TNNT3: variants seen among roughly 807,000 people sequenced by gnomAD.
The protein encoded by TNNT3 is troponin T3, fast skeletal type.
TNNT3 carries 36 observed loss-of-function variants against 54.2 expected under a neutral mutation model. The ratio of observed to expected loss-of-function variants is 0.66; its 90% CI spans 0.51 to 0.88. TNNT3 has a LOEUF of 0.88. Ranked by LOEUF, TNNT3 falls within the 40% of genes least tolerant of loss-of-function variation. The pLI is 0.00. For synonymous variants in TNNT3, 120 were observed against 109.7 expected (o/e 1.09, Z -0.59); for missense variants, 291 against 331.6 (o/e 0.88, Z 0.95).
At chr11:1,924,435 C>G (rs1015220383) in intron 4 of TNNT3, among the ~76,000 whole-genome samples, 4 of 152,242 alleles carry the variant, frequency 2.6e-5, no homozygotes, top group African/African-American at 9.6e-5. Flanking sequence ...GCAACCTTAG[C>G]AGGCAGGGCT....
At chr11:1,937,910 G>T (rs896338417) in intron 15 of TNNT3, among the ~76,000 whole-genome samples, 2 of 152,192 alleles carry the variant, frequency 1.3e-5, no homozygotes, top group Non-Finnish European at 2.9e-5. Flanking sequence ...TGCCAGCCAG[G>T]TGTCCTGCTG....
At chr11:1,922,918 C>G in intron 2 of TNNT3, 27 bp downstream of exon 2, 1 of 1,613,822 alleles carries the variant, frequency 6.2e-7, no homozygotes, top group South Asian at 1.1e-5. Flanking sequence ...TGGCTGCCCC[C>G]TGCCTGGCTC....
chr11:1,938,272 A>C, intron 15 of TNNT3, 166 bp from the exon 16 acceptor site: 1 of 757,214 alleles, frequency 1.3e-6, no homozygotes, highest in South Asian at 1.5e-5. Context: ...GGCACAGGTG[A>C]GTGGGCACTG....
chr11:1,921,327 C>A (rs904451803), intron 1 of TNNT3: 1 of 152,290 alleles, frequency 6.6e-6, no homozygotes, highest in African/African-American at 2.4e-5. Context: ...CCAGGCTCCG[C>A]TCCCTCCCTT....
chr11:1,937,213 G>T (rs761886287), intron 15 of TNNT3, among the ~76,000 whole-genome samples: 97 of 152,128 alleles, frequency 6.4e-4, no homozygotes, highest in African/African-American at 2.2e-3. Flanking sequence ...GGAGCCCTGG[G>T]GGGTGGCAGA....
chr11:1,932,239 C>T (rs186974120), intron 8 of TNNT3, among the ~76,000 whole-genome samples: 1 of 152,346 alleles, frequency 6.6e-6, no homozygotes, highest in African/African-American at 2.4e-5. Flanking sequence ...CAGACGGTGG[C>T]GCTGGAAGCG....
intron 2 of TNNT3, 74 bp downstream of exon 2, chr11:1,922,965 A>G (rs201518236): frequency 6.2e-5 from 100 of 1,613,330 alleles, no homozygotes; most frequent in Non-Finnish European, 8.1e-5. Flanking sequence ...GGGCTGGAGC[A>G]TGCGCTATCT....
intron 7 of TNNT3, 92 bp downstream of exon 7, chr11:1,929,235 CCTCCTCCTCCCT>C: frequency 7.1e-7 from 1 of 1,408,274 alleles, no homozygotes; most frequent in Non-Finnish European, 1.0e-6. Flanking sequence ...CGCTGCCCTG[CCTCCTCCTCCCT>C]CTGTCCTCTT....
intron 4 of TNNT3, chr11:1,924,812 T>G (rs1851056826): frequency 1.7e-6 from 1 of 590,806 alleles, no homozygotes; most frequent in Non-Finnish European, 3.0e-6. Flanking sequence ...GGCATGGGAA[T>G]ACCAGGCCCC....
chr11:1,924,878 G>A (rs1021515556), intron 4 of TNNT3: 9 of 651,770 alleles, frequency 1.4e-5, no homozygotes, highest in Admixed American at 1.1e-4. Context: ...CAGCCCAGCT[G>A]ACAGTGACCA....
chr11:1,920,332 C>A (rs984129058), intron 1 of TNNT3, among the ~76,000 whole-genome samples: 2 of 152,182 alleles, frequency 1.3e-5, no homozygotes, highest in African/African-American at 4.8e-5. Context: ...GCCCACGCAG[C>A]CTTGGGGGCC....
chr11:1,938,360 G>C, intron 15 of TNNT3, 78 bp from the exon 16 acceptor site: 1 of 1,521,628 alleles, frequency 6.6e-7, no homozygotes, highest in South Asian at 1.1e-5. Context: ...CGGGCTGAGA[G>C]TCCGCCCAGG....
chr11:1,920,460 C>T lies in TNNT3; in HGVS notation c.-19+698C>T, dbSNP rs566138590. Among the ~76,000 whole-genome samples the T allele has an allele frequency of 2.6e-4, 40 of 152,150 alleles. 1 individual carries two copies. The South Asian group carries it at 8.1e-3, about 31-fold the overall frequency. On this transcript the variant is annotated intron_variant, in intron 1 of 15. Coordinates refer to ENST00000278317, the MANE Select transcript of TNNT3 (RefSeq NM_006757.4). Reference sequence around the variant, plus strand: ...GCTGGAGGCTGGAGAAGCTGGCGCTCGTAAGAGCCCCCACCCACCCTCCCT... The same window carrying T: ...GCTGGAGGCTGGAGAAGCTGGCGCTTGTAAGAGCCCCCACCCACCCTCCCT...
rs1298131298 is a variant in TNNT3, at chr11:1,936,948, T to C, written c.682-15T>C. 2 of 1,603,396 alleles carry C rather than the reference T, an allele frequency of 1.2e-6. No homozygotes were observed. Among genetic ancestry groups the C allele is most frequent in the South Asian group, 1.1e-5 (1 of 89,368 alleles). ...CCCTCGGGTCGTCGCAGTGAGTCACTCATGTTGTTCACAGATCACCACGCT... is the reference window on the plus strand; with the variant it reads ...CCCTCGGGTCGTCGCAGTGAGTCACCCATGTTGTTCACAGATCACCACGCT... On this transcript the variant is annotated splice_polypyrimidine_tract_variant and intron_variant, in intron 14 of 15. Transcript: ENST00000278317.
intron 8 of TNNT3, among the ~76,000 whole-genome samples, chr11:1,931,474 G>A (rs896631851): frequency 3.9e-5 from 6 of 152,214 alleles, no homozygotes; most frequent in African/African-American, 1.4e-4. Flanking sequence ...AGCCTCTGAT[G>A]GATGAGAAAC....
At chr11:1,924,059 T>C (rs1218003900) in intron 4 of TNNT3, among the ~76,000 whole-genome samples, 2 of 152,138 alleles carry the variant, frequency 1.3e-5, no homozygotes, top group Non-Finnish European at 2.9e-5. Flanking sequence ...TGTGTGCCTG[T>C]GTATCTCTCA....
At chr11:1,931,609 G>A (rs955381327) in intron 8 of TNNT3, among the ~76,000 whole-genome samples, 2 of 152,060 alleles carry the variant, frequency 1.3e-5, no homozygotes, top group African/African-American at 4.8e-5. Context: ...TTTGTCTCCT[G>A]GTGGAGGAAT....
rs539140053 is a variant in TNNT3 at position 1,935,729 on chromosome 11, C to T, written c.681+810C>T. 75 of 207,702 alleles carry T rather than the reference C, an allele frequency of 3.6e-4. 2 individuals carry two copies. Among genetic ancestry groups the T allele is most frequent in the South Asian group, 2.0e-3 (22 of 11,040 alleles). The allele number at this position is 207,702 out of a possible 1,614,324, so 12.9% of individuals were successfully genotyped here. A position where few individuals can be genotyped will look rare whatever the true frequency, so the allele number is the denominator to read the frequency against. ...GGCCACGATGTCCACCCTCCAGCAC[C>T]GCCAGAGGCCCCAGGGGAGGGCGGC... On this transcript the variant is annotated intron_variant, in intron 14 of 15. Coordinates refer to ENST00000278317, the MANE Select transcript of TNNT3 (RefSeq NM_006757.4).
At chr11:1,936,872 C>T in intron 14 of TNNT3, 91 bp from the exon 15 acceptor site, 1 of 1,403,242 alleles carries the variant, frequency 7.1e-7, no homozygotes, top group Non-Finnish European at 9.8e-7. Flanking sequence ...TCGCGCAGCC[C>T]AGCCCACCCT....
Sources: allele counts gnomAD v4.1 joint callset (sites outside exome capture counted in the v4.1 genomes callset), GRCh38; gene constraint gnomAD v4.1.1; transcripts MANE v1.5; gene names NCBI Gene and HGNC (gene_info 2026-07-23, HGNC 2026-07-21).